The following FKBP9 variants were observed in gnomAD, a reference collection of about 807,000 sequenced individuals.
The protein encoded by FKBP9 is FKBP prolyl isomerase 9, also known as peptidyl-prolyl cis-trans isomerase FKBP9.
A neutral mutation model predicts 55.6 loss-of-function variants in FKBP9; 27 were observed. The observed-to-expected ratio is 0.49, with a 90% CI of 0.36 to 0.67. The LOEUF is 0.67. Among genes scored for constraint, FKBP9 ranks in the 30% least tolerant of loss-of-function variants. The pLI is 0.00. For missense variants in FKBP9, 539 were observed against 742.8 expected, an observed-to-expected ratio of 0.73 and a Z score of 3.19; for synonymous variants, 267 against 296.5, an observed-to-expected ratio of 0.90 and a Z score of 1.02.
chr7:32,961,097 G>A (rs888715507), intron 1 of FKBP9, among the ~76,000 whole-genome samples: 1 of 152,134 alleles, frequency 6.6e-6, no homozygotes, highest in Non-Finnish European at 1.5e-5. Context: ...ACAGAAGAAA[G>A]GTAAGTAGCT....
chr7:32,965,826 T>TATATATATATGTGTACAC (rs1554284317), intron 1 of FKBP9, among the ~76,000 whole-genome samples: 535 of 33,062 alleles, frequency 0.016, 5 homozygotes, highest in South Asian at 0.022. Context: ...TATATATATA[T>TATATATATATGTGTACAC]ATATATATAT....
intron 1 of FKBP9, among the ~76,000 whole-genome samples, chr7:32,963,112 T>G (rs1232457976): frequency 1.3e-5 from 2 of 152,176 alleles, no homozygotes; most frequent in Non-Finnish European, 2.9e-5. Context: ...AGCTGATGCT[T>G]GAGTTGGGCC....
At chr7:32,985,726 C>T (rs1209924674) in intron 5 of FKBP9, among the ~76,000 whole-genome samples, 4 of 152,144 alleles carry the variant, frequency 2.6e-5, no homozygotes, top group African/African-American at 7.2e-5. Context: ...GGCACGATGG[C>T]TTACACCTGT....
At chr7:32,994,767 C>T (rs1039324375) in intron 6 of FKBP9, among the ~76,000 whole-genome samples, 2 of 151,762 alleles carry the variant, frequency 1.3e-5, no homozygotes, top group Non-Finnish European at 2.9e-5. Flanking sequence ...GCCTGGTACT[C>T]AATAAACGCC....
intron 1 of FKBP9, among the ~76,000 whole-genome samples, chr7:32,967,258 C>T (rs532019439): frequency 1.3e-4 from 20 of 152,290 alleles, no homozygotes; most frequent in African/African-American, 4.8e-4. Context: ...TCAAATTTAC[C>T]ATTGTAACTG....
At chr7:32,967,602 A>G (rs1359678960) in intron 1 of FKBP9, among the ~76,000 whole-genome samples, 5 of 152,206 alleles carry the variant, frequency 3.3e-5, no homozygotes, top group Admixed American at 6.5e-5. Flanking sequence ...TTGTGTGTGT[A>G]TACCACATAT....
chr7:32,970,841 T>C (rs1784237448), intron 1 of FKBP9, among the ~76,000 whole-genome samples: 1 of 152,076 alleles, frequency 6.6e-6, no homozygotes, highest in South Asian at 2.1e-4. Flanking sequence ...GAGATATTTT[T>C]ACTTCTTCCT....
chr7:32,981,918 G>A (rs1038336637), intron 5 of FKBP9, among the ~76,000 whole-genome samples: 1 of 148,688 alleles, frequency 6.7e-6, no homozygotes, highest in African/African-American at 2.5e-5. Context: ...AAAAAGAAAA[G>A]ATATGTTGTA....
At chr7:32,999,316 T>G (rs1176497332) in intron 7 of FKBP9, among the ~76,000 whole-genome samples, 1 of 152,068 alleles carries the variant, frequency 6.6e-6, no homozygotes, top group Non-Finnish European at 1.5e-5. Flanking sequence ...CTCCTTGGAG[T>G]AAAGAACATC....
intron 1 of FKBP9, chr7:32,963,440 G>A: frequency 4.8e-6 from 2 of 415,788 alleles, no homozygotes; most frequent in South Asian, 1.8e-4. Context: ...TAAGGGGATT[G>A]AGGTGCTCAG....
At chr7:32,986,740 T>G (rs1178470965) in intron 5 of FKBP9, among the ~76,000 whole-genome samples, 22 of 152,210 alleles carry the variant, frequency 1.4e-4, no homozygotes, top group Non-Finnish European at 2.4e-4. Context: ...CAGCTCTGCC[T>G]GTGTATCGGC....
chr7:32,958,155 G>A (rs1293606676), intron 1 of FKBP9, among the ~76,000 whole-genome samples: 1 of 152,172 alleles, frequency 6.6e-6, no homozygotes, highest in Non-Finnish European at 1.5e-5. Flanking sequence ...GGATGTTCGT[G>A]CCTGCCTCTC....
rs1184201263 is a variant in FKBP9 at position 32,965,864 on chromosome 7, T to TACAC, written c.221+8071_221+8072insCACA. On this transcript the variant is annotated intron_variant, in intron 1 of 9. Coordinates refer to ENST00000242209, the MANE Select transcript of FKBP9 (RefSeq NM_007270.5). ...ATATATGTGTGTACAGATATATATA[T>TACAC]ATACATACATATATATATATAGAGA... Among the ~76,000 whole-genome samples the TACAC allele has an allele frequency of 4.2e-3, 174 of 41,818 alleles. 2 individuals carry two copies. The highest frequency in any genetic ancestry group is 6.6e-3 in the Non-Finnish European group (145 of 22,002). 27.4% of individuals were successfully genotyped at this position (41,818 alleles called of 152,430 possible).
rs1784918596 is a variant in FKBP9, at chr7:33,000,960, T to C, written c.1372+700T>C. ...CTCGCCTGGCTAATTTTTTATTTTT[T>C]AGAGACAGAGTCTCGCTATCTTTCC... is the stretch of plus-strand genomic sequence containing the variant. On this transcript the variant is annotated intron_variant, in intron 8 of 9. Transcript: ENST00000242209. Among the ~76,000 whole-genome samples the C allele has an allele frequency of 2.6e-5, 4 of 152,174 alleles. No individual in the cohort carries two copies. In the South Asian group the frequency reaches 8.3e-4, roughly 32 times the overall value.
At chr7:32,962,021 C>G (rs541597870) in intron 1 of FKBP9, among the ~76,000 whole-genome samples, 2 of 152,010 alleles carry the variant, frequency 1.3e-5, no homozygotes, top group South Asian at 2.1e-4. Context: ...ACCATCCCCC[C>G]ACCCCGGTCA....
At chr7:32,977,138 T>C (rs1316362251) in intron 4 of FKBP9, among the ~76,000 whole-genome samples, 1 of 152,194 alleles carries the variant, frequency 6.6e-6, no homozygotes, top group Admixed American at 6.5e-5. Flanking sequence ...TGTTTGTAGT[T>C]TTACTGTGAA....
chr7:32,963,125 G>C (rs1449780506), intron 1 of FKBP9, among the ~76,000 whole-genome samples: 1 of 152,210 alleles, frequency 6.6e-6, no homozygotes, highest in African/African-American at 2.4e-5. Context: ...GTTGGGCCTT[G>C]AGCATGGATG....
intron 5 of FKBP9, among the ~76,000 whole-genome samples, chr7:32,988,027 A>G (rs1784609608): frequency 6.8e-6 from 1 of 147,828 alleles, no homozygotes; most frequent in African/African-American, 2.5e-5. Context: ...AAAAAAAAAA[A>G]GTATTAGCTA....
chr7:32,983,323 C>CTTT (rs539280442), intron 5 of FKBP9, among the ~76,000 whole-genome samples: 1 of 142,854 alleles, frequency 7.0e-6, no homozygotes, highest in African/African-American at 2.6e-5. Context: ...TGCGCCCTGC[C>CTTT]TTTTTTTTTG....
Sources: gnomAD v4.1 joint callset for allele counts (sites outside exome capture counted in the v4.1 genomes callset) on GRCh38, gnomAD v4.1.1 for gene constraint, MANE v1.5 for transcripts, NCBI Gene and HGNC (gene_info 2026-07-23, HGNC 2026-07-21) for gene names.